The following RNMT variants were observed in gnomAD, a reference collection of about 807,000 sequenced individuals.
The protein encoded by RNMT is mRNA cap guanine-N(7) methyltransferase.
Under a neutral mutation model 56.0 loss-of-function variants are expected in RNMT, and 27 were observed. The observed-to-expected ratio is 0.48, with a 90% CI of 0.36 to 0.67. The LOEUF is 0.67. RNMT is among the 30% of genes least tolerant of loss of function. The pLI is 0.00. For synonymous variants in RNMT, 184 were observed against 176.2 expected, an observed-to-expected ratio of 1.04 and a Z score of -0.35; for missense variants, 519 against 552.1, an observed-to-expected ratio of 0.94 and a Z score of 0.60.
At chr18:13,741,476 C>G (rs773592390) in intron 6 of RNMT, 34 bp from the exon 7 acceptor site, 2 of 1,513,324 alleles carry the variant, frequency 1.3e-6, no homozygotes, top group Non-Finnish European at 1.8e-6. Flanking sequence ...GTTGTAGTTA[C>G]CTCACAATCT....
At chr18:13,751,397 C>T (rs1411863998) in intron 9 of RNMT, among the ~76,000 whole-genome samples, 1 of 152,180 alleles carries the variant, frequency 6.6e-6, no homozygotes, top group Non-Finnish European at 1.5e-5. Flanking sequence ...CAGAGAAATG[C>T]AAATCAAAAC....
At chr18:13,727,411 A>T (rs1292567608) in intron 1 of RNMT, among the ~76,000 whole-genome samples, 1 of 152,186 alleles carries the variant, frequency 6.6e-6, no homozygotes, top group East Asian at 1.9e-4. Context: ...TCTCTTCCCT[A>T]TGGAGTGTTT....
At chr18:13,728,448 G>A (rs1413130919) in intron 1 of RNMT, among the ~76,000 whole-genome samples, 1 of 150,948 alleles carries the variant, frequency 6.6e-6, no homozygotes, top group African/African-American at 2.4e-5. Flanking sequence ...CGATTCTCAT[G>A]CCTCAGCCTC....
intron 11 of RNMT, among the ~76,000 whole-genome samples, chr18:13,756,877 C>T (rs1426769398): frequency 1.3e-5 from 2 of 152,176 alleles, no homozygotes; most frequent in African/African-American, 4.8e-5. Context: ...AGTATCCTAG[C>T]ACATGCCCCA....
intron 3 of RNMT, among the ~76,000 whole-genome samples, chr18:13,732,757 T>G (rs2044093926): frequency 1.3e-5 from 1 of 79,138 alleles, no homozygotes; most frequent in Admixed American, 1.2e-4. Flanking sequence ...TTTTTTTTTT[T>G]TTTTTGGAGA....
In RNMT at chr18:13,752,168, T is replaced by A. The variant is rs192896316; in HGVS notation, c.1258-158T>A. ...TTAAGAGAGGATTCTTCCTTTTTTTTAATTTTTTTCTGTATTTCAAAAGTA... is the reference window on the plus strand; with the variant it reads ...TTAAGAGAGGATTCTTCCTTTTTTTAAATTTTTTTCTGTATTTCAAAAGTA... On this transcript the variant is annotated intron_variant, in intron 9 of 11. Coordinates refer to ENST00000383314, the MANE Select transcript of RNMT (RefSeq NM_003799.3). 342 of 577,294 alleles carry A rather than the reference T, an allele frequency of 5.9e-4. 2 individuals carry two copies. In the East Asian group the frequency reaches 6.1e-3, roughly 10 times the overall value. 35.8% of individuals were successfully genotyped at this position (577,294 alleles called of 1,614,324 possible).
chr18:13,734,493 G>A lies in RNMT; in HGVS notation c.447G>A (p.Val149=). Residue 149 remains valine (V), a synonymous_variant, in exon 4 of 12, where the codon GTG becomes GTA. Coordinates refer to ENST00000383314, the MANE Select transcript of RNMT (RefSeq NM_003799.3). ...TGGAAGAAGGACACAGCTCAACAGT[G>A]GCTGCCCATTACAATGAACTTCAGG... The part of the protein sequence containing the change: ...KNLEEGHSST[V]AAHYNELQEV... The A allele has an allele frequency of 3.1e-6, 5 of 1,613,234 alleles. No homozygotes were observed. Among genetic ancestry groups the A allele is most frequent in the Non-Finnish European group, 4.2e-6 (5 of 1,179,642 alleles).
intron 2 of RNMT, among the ~76,000 whole-genome samples, chr18:13,731,173 A>G (rs1284191): frequency 0.89 from 135,330 of 152,176 alleles, 60,248 homozygotes; most frequent in East Asian, 0.97. Flanking sequence ...TTGGGAGGCC[A>G]AGGCAGGCGG....
intron 11 of RNMT, among the ~76,000 whole-genome samples, chr18:13,756,711 T>G (rs563022155): frequency 6.6e-6 from 1 of 152,228 alleles, no homozygotes; most frequent in Non-Finnish European, 1.5e-5. Context: ...AAAACTGCTA[T>G]GGTGTTCCTG....
At position 13,763,365 on chromosome 18, in the gene RNMT, C is replaced by G. The variant is rs1180488094; in HGVS notation, c.*3386C>G. On this transcript the variant is annotated 3_prime_UTR_variant, in exon 12 of 12. Transcript: ENST00000383314. ...CGTGCTGCTCAGTTTGTCCTCTGCT[C>G]CCATGTAGGCCTAAAGTCACCCCAC... is the stretch of plus-strand genomic sequence containing the variant. The G allele has an allele frequency of 3.1e-6, 1 of 317,564 alleles. No individual in the cohort carries two copies. Among genetic ancestry groups the G allele is most frequent in the East Asian group, 7.6e-5 (1 of 13,118 alleles). The allele number at this position is 317,564 out of a possible 1,614,324, so 19.7% of individuals were successfully genotyped here. A position where few individuals can be genotyped will look rare whatever the true frequency, so the allele number is the denominator to read the frequency against.
chr18:13,742,673 T>TACAAAAAGAAA (rs767046947), intron 8 of RNMT, 21 bp downstream of exon 8: 1 of 1,562,412 alleles, frequency 6.4e-7, no homozygotes, highest in South Asian at 1.2e-5. Flanking sequence ...ATTAATCTGT[T>TACAAAAAGAAA]CACTCTTTTC....
intron 5 of RNMT, among the ~76,000 whole-genome samples, chr18:13,739,396 C>T (rs899191691): frequency 2.6e-5 from 4 of 152,326 alleles, no homozygotes; most frequent in Admixed American, 6.5e-5. Flanking sequence ...GTGAAGAATA[C>T]ATGAAGTACT....
chr18:13,763,301 G>T lies in RNMT; in HGVS notation c.*3322G>T, dbSNP rs1242354057. On this transcript the variant is annotated 3_prime_UTR_variant, in exon 12 of 12. Transcript: ENST00000383314. ...AATGATATTTAGCAGATGCATACAGGACTGGATCCCAGGGCACTGTCAGTT... is the reference window on the plus strand; with the variant it reads ...AATGATATTTAGCAGATGCATACAGTACTGGATCCCAGGGCACTGTCAGTT... 1 of 365,664 alleles carries T rather than the reference G, an allele frequency of 2.7e-6. No individual in the cohort carries two copies. The highest frequency in any genetic ancestry group is 5.5e-6 in the Non-Finnish European group (1 of 181,420). The allele number at this position is 365,664 out of a possible 1,614,324, so 22.7% of individuals were successfully genotyped here.
chr18:13,764,140 G>C lies in RNMT; in HGVS notation c.*4161G>C, dbSNP rs2044651775. The C allele has an allele frequency of 6.6e-6, 1 of 152,178 alleles. No individual in the cohort carries two copies. Among genetic ancestry groups the C allele is most frequent in the African/African-American group, 2.4e-5 (1 of 41,438 alleles). The allele number at this position is 152,178 out of a possible 1,614,324, so 9.4% of individuals were successfully genotyped here. A position where few individuals can be genotyped will look rare whatever the true frequency, so the allele number is the denominator to read the frequency against. On this transcript the variant is annotated 3_prime_UTR_variant, in exon 12 of 12. Coordinates refer to ENST00000383314, the MANE Select transcript of RNMT (RefSeq NM_003799.3). ...CTGAGAATGCCAGTACGAGAGTGTA[G>C]CCAAAGTGAGAGGCTGAGAGCAAAG...
Position 13,736,994 on chromosome 18 carries a change from G to C in RNMT, c.554-16G>C. ...GAAGAAGAGGTAGTTTATTGTGACT[G>C]ATTTCTCTCTTTTAGGAGAATTTTT... On this transcript the variant is annotated splice_polypyrimidine_tract_variant and intron_variant, in intron 4 of 11. Transcript: ENST00000383314. The C allele has an allele frequency of 6.2e-7, 1 of 1,608,788 alleles. No homozygotes were observed. Among genetic ancestry groups the C allele is most frequent in the Non-Finnish European group, 8.5e-7 (1 of 1,177,304 alleles).
intron 4 of RNMT, 134 bp from the exon 5 acceptor site, chr18:13,736,876 A>G (rs2044166388): frequency 1.5e-6 from 1 of 650,824 alleles, no homozygotes; most frequent in East Asian, 2.9e-5. Flanking sequence ...CAGAAGTTAC[A>G]AATTACATAA....
At chr18:13,752,160 C>T in intron 9 of RNMT, 166 bp from the exon 10 acceptor site, 2 of 564,328 alleles carry the variant, frequency 3.5e-6, no homozygotes, top group South Asian at 2.5e-5. Context: ...AGGATTCTTC[C>T]TTTTTTTTAA....
At position 13,764,171 on chromosome 18, in the gene RNMT, A is replaced by T. The variant is rs919970779; in HGVS notation, c.*4192A>T. The T allele has an allele frequency of 6.6e-6, 1 of 152,052 alleles. No homozygotes were observed. Among genetic ancestry groups the T allele is most frequent in the South Asian group, 2.1e-4 (1 of 4,822 alleles). 9.4% of individuals were successfully genotyped at this position (152,052 alleles called of 1,614,324 possible). On this transcript the variant is annotated 3_prime_UTR_variant, in exon 12 of 12. Transcript: ENST00000383314. ...GTGAGAGGCTGAGAGCAAAGGAGAC[A>T]TTTTTTTCAGTTTTGAGTCGAGTAT...
At chr18:13,739,335 A>T (rs1679321639) in intron 5 of RNMT, among the ~76,000 whole-genome samples, 1 of 152,230 alleles carries the variant, frequency 6.6e-6, no homozygotes, top group South Asian at 2.1e-4. Flanking sequence ...CTATTTTATA[A>T]AGGGTATTCT....
Sources: allele counts gnomAD v4.1 joint callset (sites outside exome capture counted in the v4.1 genomes callset), GRCh38; gene constraint gnomAD v4.1.1; transcripts MANE v1.5; gene names NCBI Gene and HGNC (gene_info 2026-07-23, HGNC 2026-07-21).